The following PARD3 variants were observed in gnomAD, a reference collection of about 807,000 sequenced individuals.
The protein encoded by PARD3 is partitioning defective 3 homolog.
In PARD3, 75 loss-of-function variants were observed where a neutral mutation model predicts 155.4. The observed-to-expected ratio is 0.48, with a 90% CI of 0.40 to 0.58. PARD3 has a LOEUF of 0.58. Ranked by LOEUF, PARD3 falls within the 20% of genes least tolerant of loss-of-function variation. The probability of loss-of-function intolerance (pLI) is 0.00; values close to 1 mark genes in which losing one functional copy is unlikely to be tolerated. For synonymous variants in PARD3, 576 were observed against 610.5 expected, an observed-to-expected ratio of 0.94 and a Z score of 0.83; for missense variants, 1,642 against 1,721.7, an observed-to-expected ratio of 0.95 and a Z score of 0.82.
At chr10:34,598,536 T>A (rs1392123838) in intron 2 of PARD3, among the ~76,000 whole-genome samples, 2 of 152,132 alleles carry the variant, frequency 1.3e-5, no homozygotes, top group African/African-American at 4.8e-5. Context: ...TGAAAAAAAA[T>A]ATTTTTTTAA....
At chr10:34,279,898 T>C (rs1021334257) in intron 21 of PARD3, among the ~76,000 whole-genome samples, 1 of 152,206 alleles carries the variant, frequency 6.6e-6, no homozygotes, top group Admixed American at 6.5e-5. Context: ...CCTTCTATAC[T>C]GGGAGGATTT....
At chr10:34,361,760 C>T (rs1476747667) in intron 12 of PARD3, among the ~76,000 whole-genome samples, 1 of 152,048 alleles carries the variant, frequency 6.6e-6, no homozygotes. Flanking sequence ...CATCTTTGTG[C>T]TATCTCAAAG....
intron 2 of PARD3, among the ~76,000 whole-genome samples, chr10:34,550,817 T>C (rs2084489594): frequency 1.3e-5 from 2 of 152,222 alleles, no homozygotes; most frequent in Non-Finnish European, 2.9e-5. Context: ...AGAATGTTTT[T>C]CATTATTTTA....
At chr10:34,669,560 A>T (rs76779395) in intron 2 of PARD3, among the ~76,000 whole-genome samples, 6 of 152,294 alleles carry the variant, frequency 3.9e-5, no homozygotes, top group African/African-American at 1.4e-4. Flanking sequence ...CATGTAACGA[A>T]ACTGCACTTG....
At position 34,128,844 on chromosome 10, in the gene PARD3, T is replaced by C. The variant is rs115900491; in HGVS notation, c.3540+2619A>G. On this transcript the variant is annotated intron_variant, in intron 23 of 24. Transcript: ENST00000374788. ...ACTTTAGAACAGTGATTCTCAAAGT[T>C]GAACTTGTTTCAGAATGAGTTGGAA... Among the ~76,000 whole-genome samples the C allele has an allele frequency of 4.1e-3, 623 of 152,304 alleles. 1 individual carries two copies. Among genetic ancestry groups the C allele is most frequent in the African/African-American group, 0.014 (586 of 41,566 alleles).
At chr10:34,187,337 G>T (rs1025198764) in intron 22 of PARD3, among the ~76,000 whole-genome samples, 2 of 151,880 alleles carry the variant, frequency 1.3e-5, no homozygotes, top group African/African-American at 4.8e-5. Flanking sequence ...ATTTCCATCT[G>T]TTATAAACAT....
intron 22 of PARD3, among the ~76,000 whole-genome samples, chr10:34,251,526 A>C (rs1419473174): frequency 6.6e-6 from 1 of 152,212 alleles, no homozygotes; most frequent in African/African-American, 2.4e-5. Context: ...ACAGAAGGTT[A>C]AATGGCAGAG....
At chr10:34,280,946 CT>C (rs1200051245) in intron 21 of PARD3, among the ~76,000 whole-genome samples, 1 of 152,142 alleles carries the variant, frequency 6.6e-6, no homozygotes, top group African/African-American at 2.4e-5. Flanking sequence ...CTCAAACATA[CT>C]TGTAAACAGA....
intron 18 of PARD3, 54 bp downstream of exon 18, chr10:34,336,145 A>G (rs1322585997): frequency 1.1e-5 from 14 of 1,316,254 alleles, no homozygotes; most frequent in Admixed American, 1.7e-5. Flanking sequence ...TATAATTGTG[A>G]TAAGCTATGT....
intron 2 of PARD3, among the ~76,000 whole-genome samples, chr10:34,545,757 CAT>C (rs1206320252): frequency 1.3e-5 from 2 of 152,148 alleles, no homozygotes; most frequent in Non-Finnish European, 2.9e-5. Flanking sequence ...GGGGTTTCAC[CAT>C]GTTGGCCAGA....
chr10:34,336,403 GA>G (rs199962781), intron 17 of PARD3, 160 bp from the exon 18 acceptor site: 19 of 561,932 alleles, frequency 3.4e-5, no homozygotes, highest in East Asian at 9.0e-5. Flanking sequence ...AAAAAAGGAG[GA>G]AAAAAAAGCA....
chr10:34,218,327 AAATT>A (rs754526021), intron 22 of PARD3, among the ~76,000 whole-genome samples: 3 of 152,352 alleles, frequency 2.0e-5, no homozygotes, highest in Middle Eastern at 3.4e-3. Context: ...CTGAATGAAT[AAATT>A]AATAAATAGG....
At chr10:34,806,620 C>T (rs1448046012) in intron 1 of PARD3, among the ~76,000 whole-genome samples, 1 of 152,240 alleles carries the variant, frequency 6.6e-6, no homozygotes, top group Non-Finnish European at 1.5e-5. Flanking sequence ...CGTGAGCCTT[C>T]TCACCCAGCC....
At chr10:34,409,510 C>T (rs968321090) in intron 5 of PARD3, among the ~76,000 whole-genome samples, 1 of 152,188 alleles carries the variant, frequency 6.6e-6, no homozygotes, top group Non-Finnish European at 1.5e-5. Flanking sequence ...AATAACTAGT[C>T]CCAGCACCTT....
chr10:34,696,292 A>C (rs1217703523), intron 2 of PARD3, 26 bp downstream of exon 2: 3 of 1,409,648 alleles, frequency 2.1e-6, no homozygotes, highest in Non-Finnish European at 3.0e-6. Context: ...TGCATTCAGA[A>C]CAGGTTCCCC....
intron 22 of PARD3, among the ~76,000 whole-genome samples, chr10:34,167,356 T>C (rs1273544258): frequency 6.6e-6 from 1 of 152,208 alleles, no homozygotes; most frequent in African/African-American, 2.4e-5. Flanking sequence ...GTTACTGTGA[T>C]AGACTGCATG....
intron 2 of PARD3, among the ~76,000 whole-genome samples, chr10:34,550,575 A>C (rs1384879392): frequency 2.0e-5 from 3 of 152,182 alleles, no homozygotes; most frequent in Non-Finnish European, 1.5e-5. Flanking sequence ...TTCCTTTTGA[A>C]AAAAACATTA....
intron 2 of PARD3, among the ~76,000 whole-genome samples, chr10:34,676,448 G>A (rs1048546894): frequency 6.6e-6 from 1 of 152,146 alleles, no homozygotes; most frequent in East Asian, 1.9e-4. Flanking sequence ...CTGATTCTTC[G>A]TCTACCCGCA....
intron 1 of PARD3, among the ~76,000 whole-genome samples, chr10:34,720,073 G>T (rs1193472344): frequency 6.6e-6 from 1 of 152,194 alleles, no homozygotes; most frequent in Admixed American, 6.5e-5. Context: ...GGTATGTTAG[G>T]ATACAATTTC....
Sources: allele counts gnomAD v4.1 joint callset (sites outside exome capture counted in the v4.1 genomes callset), GRCh38; gene constraint gnomAD v4.1.1; transcripts MANE v1.5; gene names NCBI Gene and HGNC (gene_info 2026-07-23, HGNC 2026-07-21).